Variants in GNB5 observed in about 807,000 individuals in gnomAD.
GNB5 encodes guanine nucleotide-binding protein subunit beta-5.
Under a neutral mutation model 55.3 loss-of-function variants are expected in GNB5, and 37 were observed. The ratio of observed to expected loss-of-function variants is 0.67; its 90% CI spans 0.51 to 0.88. GNB5 has a LOEUF of 0.88. GNB5 is among the 40% of genes least tolerant of loss of function. GNB5 has a pLI of 0.00. For synonymous variants in GNB5, 219 were observed against 198.5 expected (o/e 1.10, Z -0.87); for missense variants, 476 against 515.3 (o/e 0.92, Z 0.74).
intron 9 of GNB5, among the ~76,000 whole-genome samples, chr15:52,132,428 C>A (rs1266635770): frequency 6.6e-6 from 1 of 152,044 alleles, no homozygotes; most frequent in Non-Finnish European, 1.5e-5. Context: ...CATCATATTT[C>A]CATTCTTGTT....
chr15:52,156,395 A>G (rs1364981321), intron 3 of GNB5, among the ~76,000 whole-genome samples: 3 of 152,240 alleles, frequency 2.0e-5, no homozygotes, highest in Admixed American at 2.0e-4. Context: ...GCAAAGTTGC[A>G]CATGGGCTAA....
chr15:52,142,035 G>A (rs1470866719), intron 6 of GNB5, among the ~76,000 whole-genome samples: 1 of 152,174 alleles, frequency 6.6e-6, no homozygotes, highest in African/African-American at 2.4e-5. Flanking sequence ...TGTCGCATAT[G>A]GTGGATTTGT....
intron 3 of GNB5, among the ~76,000 whole-genome samples, chr15:52,176,050 A>G (rs1181780001): frequency 2.0e-5 from 3 of 150,328 alleles, no homozygotes; most frequent in Non-Finnish European, 4.4e-5. Flanking sequence ...CTCCATCTCA[A>G]AAAAAAACAA....
intron 7 of GNB5, among the ~76,000 whole-genome samples, chr15:52,138,208 C>T (rs1182581919): frequency 6.6e-6 from 1 of 152,006 alleles, no homozygotes; most frequent in Non-Finnish European, 1.5e-5. Flanking sequence ...CATGGTAAAA[C>T]TCCAACTCTA....
chr15:52,187,181 C>A (rs1415181989), intron 1 of GNB5, among the ~76,000 whole-genome samples: 1 of 152,156 alleles, frequency 6.6e-6, no homozygotes, highest in Non-Finnish European at 1.5e-5. Context: ...AGAGCCTGGC[C>A]CATGGTGGGG....
In GNB5 at chr15:52,118,355, T is replaced by C. The variant is rs1566928683; in HGVS notation, c.*4402A>G. 1 of 145,190 alleles carries C rather than the reference T, an allele frequency of 6.9e-6. No individual in the cohort carries two copies. Among genetic ancestry groups the C allele is most frequent in the South Asian group, 2.2e-4 (1 of 4,518 alleles). 9.0% of individuals were successfully genotyped at this position (145,190 alleles called of 1,614,324 possible). On this transcript the variant is annotated 3_prime_UTR_variant, in exon 13 of 13. Coordinates refer to ENST00000261837, the MANE Select transcript of GNB5 (RefSeq NM_016194.4). ...GTCAAAACTATTTTCATAATAATAT[T>C]GACACTTTTTTTTTTTGTATGGGTG...
At chr15:52,137,991 A>C (rs1290955237) in intron 7 of GNB5, 1 of 1,280,886 alleles carries the variant, frequency 7.8e-7, no homozygotes, top group Admixed American at 2.3e-5. Context: ...GCTAGCATGC[A>C]ATGCAACCAC....
At chr15:52,183,912 A>G (rs1401972170) in intron 2 of GNB5, among the ~76,000 whole-genome samples, 2 of 152,194 alleles carry the variant, frequency 1.3e-5, no homozygotes, top group Admixed American at 1.3e-4. Flanking sequence ...GTACTTTGAA[A>G]AATTCCAGGA....
At chr15:52,154,140 A>T in intron 3 of GNB5, 64 bp from the exon 4 acceptor site, 1 of 1,502,132 alleles carries the variant, frequency 6.7e-7, no homozygotes, top group Non-Finnish European at 9.1e-7. Context: ...TTGGGCTGAC[A>T]CAGCACAGAC....
At chr15:52,149,501 C>T in intron 5 of GNB5, 1 of 496,042 alleles carries the variant, frequency 2.0e-6, no homozygotes, top group African/African-American at 1.9e-5. Flanking sequence ...TGTTCATTCC[C>T]ACAGGGCTAT....
chr15:52,182,723 G>A (rs1360039782), intron 2 of GNB5, among the ~76,000 whole-genome samples: 2 of 152,210 alleles, frequency 1.3e-5, no homozygotes, highest in African/African-American at 4.8e-5. Context: ...TCAGTCACTG[G>A]ATGTCTCTTC....
intron 11 of GNB5, chr15:52,124,889 A>T (rs1335379590): frequency 2.8e-6 from 1 of 362,396 alleles, no homozygotes; most frequent in Non-Finnish European, 5.0e-6. Context: ...TTACACACGT[A>T]AAGTGCTATG....
intron 7 of GNB5, chr15:52,139,821 G>A: frequency 7.9e-7 from 1 of 1,258,330 alleles, no homozygotes; most frequent in Non-Finnish European, 1.0e-6. Context: ...ACCTACTGGT[G>A]CCCCCTTTCA....
intron 3 of GNB5, among the ~76,000 whole-genome samples, chr15:52,161,654 C>T (rs2034336343): frequency 6.6e-6 from 1 of 152,234 alleles, no homozygotes; most frequent in Non-Finnish European, 1.5e-5. Flanking sequence ...GAGCCTAGAT[C>T]AGGAGTGAAG....
intron 2 of GNB5, among the ~76,000 whole-genome samples, chr15:52,181,991 G>A (rs1240025194): frequency 6.6e-6 from 1 of 152,192 alleles, no homozygotes; most frequent in Non-Finnish European, 1.5e-5. Flanking sequence ...ACACCTGTTT[G>A]AGAGTTTGTA....
rs1329886364 is a variant in GNB5 at position 52,118,436 on chromosome 15, A to C, written c.*4321T>G. 2 of 152,122 alleles carry C rather than the reference A, an allele frequency of 1.3e-5. No individual in the cohort carries two copies. Among genetic ancestry groups the C allele is most frequent in the Non-Finnish European group, 2.9e-5 (2 of 68,024 alleles). 9.4% of individuals were successfully genotyped at this position (152,122 alleles called of 1,614,324 possible). A position where few individuals can be genotyped will look rare whatever the true frequency, so the allele number is the denominator to read the frequency against. On this transcript the variant is annotated 3_prime_UTR_variant, in exon 13 of 13. Transcript: ENST00000261837. ...TCCAGAGACTACTGGCATGGGAGAA[A>C]GATCACCTTGATGGCTAATGGAACG...
At chr15:52,126,767 G>T (rs1177312147) in intron 10 of GNB5, among the ~76,000 whole-genome samples, 1 of 152,074 alleles carries the variant, frequency 6.6e-6, no homozygotes, top group African/African-American at 2.4e-5. Context: ...TCAGGAAATA[G>T]CATGACCAGA....
intron 3 of GNB5, among the ~76,000 whole-genome samples, chr15:52,169,107 T>C (rs1207798724): frequency 6.6e-6 from 1 of 152,222 alleles, no homozygotes; most frequent in Non-Finnish European, 1.5e-5. Context: ...ACGAATCACT[T>C]GAGGTTAGGA....
chr15:52,116,532 G>T lies in GNB5; in HGVS notation c.*6225C>A, dbSNP rs910883836. 1.3e-5 allele frequency: 2 copies of T among 152,106 alleles called. No homozygotes were observed. The highest frequency in any genetic ancestry group is 4.1e-4 in the South Asian group (2 of 4,822). 9.4% of individuals were successfully genotyped at this position (152,106 alleles called of 1,614,324 possible). A position where few individuals can be genotyped will look rare whatever the true frequency, so the allele number is the denominator to read the frequency against. ...TTGATACATGTATACAATGTGTAAT[G>T]ATCAGGGTAATTAGCATATTAATCC... On this transcript the variant is annotated 3_prime_UTR_variant, in exon 13 of 13. Coordinates refer to ENST00000261837, the MANE Select transcript of GNB5 (RefSeq NM_016194.4).
Sources: gnomAD v4.1 joint callset for allele counts (sites outside exome capture counted in the v4.1 genomes callset) on GRCh38, gnomAD v4.1.1 for gene constraint, MANE v1.5 for transcripts, NCBI Gene and HGNC (gene_info 2026-07-23, HGNC 2026-07-21) for gene names.